PGM2: variants seen among roughly 807,000 people sequenced by gnomAD.
PGM2 encodes phosphopentomutase.
PGM2 carries 57 observed loss-of-function variants against 74.6 expected under a neutral mutation model. The observed-to-expected ratio is 0.76, with a 90% CI of 0.62 to 0.95. PGM2 has a LOEUF of 0.95. Ranked by LOEUF, PGM2 falls within the 40% of genes least tolerant of loss-of-function variation. The pLI is 0.00. For synonymous variants in PGM2, 273 were observed against 260.7 expected (o/e 1.05, Z -0.46); for missense variants, 706 against 741.9 (o/e 0.95, Z 0.56).
At chr4:37,838,084 T>C (rs1005936531) in intron 4 of PGM2, among the ~76,000 whole-genome samples, 1 of 152,194 alleles carries the variant, frequency 6.6e-6, no homozygotes, top group Non-Finnish European at 1.5e-5. Flanking sequence ...TTTCACCACG[T>C]TGGCCACGCT....
intron 10 of PGM2, 126 bp downstream of exon 10, chr4:37,847,421 G>C: frequency 6.1e-6 from 4 of 659,466 alleles, no homozygotes; most frequent in Non-Finnish European, 1.0e-5. Flanking sequence ...GTTGAATGTC[G>C]AACTGTCCTA....
rs78866411 is a variant in PGM2, at chr4:37,849,769, C to T, written c.1413-415C>T. On this transcript the variant is annotated intron_variant, in intron 11 of 13. Transcript: ENST00000381967. ...CCTTTGGCGTCAGTTTTGGCTGTTA[C>T]ATTTATTTTATTATTTATTTTATTT... 0.012 allele frequency among the ~76,000 whole-genome samples: 1,806 copies of T among 151,706 alleles called. 132 individuals are homozygous for T. The East Asian group carries it at 0.2, about 17-fold the overall frequency.
At chr4:37,836,009 C>T (rs953571735) in intron 3 of PGM2, among the ~76,000 whole-genome samples, 5 of 152,202 alleles carry the variant, frequency 3.3e-5, no homozygotes, top group Non-Finnish European at 4.4e-5. Flanking sequence ...GTTCCTCTGC[C>T]GCCCCAGGGC....
In PGM2 at chr4:37,828,453, C is replaced by T. The variant is rs1249095072; in HGVS notation, c.82-1511C>T. Among the ~76,000 whole-genome samples, 5 of 152,148 alleles carry T rather than the reference C, an allele frequency of 3.3e-5. No individual in the cohort carries two copies. In the East Asian group the frequency reaches 7.7e-4, roughly 24 times the overall value. On this transcript the variant is annotated intron_variant, in intron 1 of 13. Coordinates refer to ENST00000381967, the MANE Select transcript of PGM2 (RefSeq NM_018290.4). Reference sequence around the variant, plus strand: ...CCCATTCATTCTCCAGTGAACCTCCCACCAGCTAAAAGCATTGCAGCCCTC... The same window carrying T: ...CCCATTCATTCTCCAGTGAACCTCCTACCAGCTAAAAGCATTGCAGCCCTC...
At chr4:37,849,885 C>G (rs1249360685) in intron 11 of PGM2, among the ~76,000 whole-genome samples, 3 of 152,152 alleles carry the variant, frequency 2.0e-5, no homozygotes, top group Admixed American at 1.3e-4. Context: ...CTCCTGGGTT[C>G]AAGCGATTCT....
intron 11 of PGM2, 63 bp downstream of exon 11, chr4:37,848,714 T>A: frequency 8.4e-7 from 1 of 1,185,352 alleles, no homozygotes; most frequent in Non-Finnish European, 1.2e-6. Context: ...TATATACTTA[T>A]GCATGAGATA....
intron 10 of PGM2, 99 bp downstream of exon 10, chr4:37,847,394 G>A: frequency 1.2e-6 from 1 of 825,300 alleles, no homozygotes; most frequent in Non-Finnish European, 2.0e-6. Context: ...GGTTTATTTT[G>A]CCTCTCCAGC....
Position 37,841,039 on chromosome 4 carries a change from A to G in PGM2, c.719+780A>G, listed in dbSNP as rs139285005. Among the ~76,000 whole-genome samples, 350 of 133,570 alleles carry G rather than the reference A, an allele frequency of 2.6e-3. 2 individuals are homozygous for G. The highest frequency in any genetic ancestry group is 9.4e-3 in the African/African-American group (333 of 35,448). The allele number at this position is 133,570 out of a possible 152,430, so 87.6% of individuals were successfully genotyped here. A position where few individuals can be genotyped will look rare whatever the true frequency, so the allele number is the denominator to read the frequency against. ...GAATAGCAAACACTGGTATTTTTCT[A>G]TCTTTCCAAAAATTTTCTGTGCATA... On this transcript the variant is annotated intron_variant, in intron 6 of 13. Transcript: ENST00000381967.
At chr4:37,848,155 A>G (rs1461391022) in intron 10 of PGM2, among the ~76,000 whole-genome samples, 2 of 152,238 alleles carry the variant, frequency 1.3e-5, no homozygotes, top group Non-Finnish European at 2.9e-5. Context: ...AATCACACAC[A>G]AGAGTAGAGG....
At chr4:37,835,789 C>G (rs1560413003) in intron 3 of PGM2, among the ~76,000 whole-genome samples, 1 of 152,168 alleles carries the variant, frequency 6.6e-6, no homozygotes, top group Non-Finnish European at 1.5e-5. Flanking sequence ...GCATCAGCCC[C>G]AGGTTCAACT....
chr4:37,851,487 T>TGA (rs10693162), intron 12 of PGM2, among the ~76,000 whole-genome samples: 2 of 151,900 alleles, frequency 1.3e-5, no homozygotes, highest in Non-Finnish European at 2.9e-5. Context: ...GCTTTCTATG[T>TGA]TGGGGTTGGG....
intron 12 of PGM2, among the ~76,000 whole-genome samples, chr4:37,855,075 A>G (rs1185578802): frequency 1.3e-5 from 2 of 152,366 alleles, no homozygotes; most frequent in East Asian, 3.9e-4. Flanking sequence ...ATTTTCAAGT[A>G]TACAATGCAT....
chr4:37,862,760 G>C lies in PGM2; in HGVS notation c.*1148G>C, dbSNP rs1711823728. The C allele has an allele frequency of 6.6e-6, 1 of 151,938 alleles. No individual in the cohort carries two copies. Among genetic ancestry groups the C allele is most frequent in the African/African-American group, 2.4e-5 (1 of 41,372 alleles). 9.4% of individuals were successfully genotyped at this position (151,938 alleles called of 1,614,324 possible). ...TGAAAAATTACAATACTATGTGATA[G>C]TATTGTAACTATTTTTCTATTTTAG... On this transcript the variant is annotated 3_prime_UTR_variant, in exon 14 of 14. Coordinates refer to ENST00000381967, the MANE Select transcript of PGM2 (RefSeq NM_018290.4).
chr4:37,842,427 A>C (rs569790127), intron 6 of PGM2, among the ~76,000 whole-genome samples: 1 of 151,992 alleles, frequency 6.6e-6, no homozygotes, highest in East Asian at 1.9e-4. Flanking sequence ...TGTGTTTTAT[A>C]ATATTTAAAT....
Position 37,845,810 on chromosome 4 carries a change from G to A in PGM2, c.1007+80G>A, listed in dbSNP as rs111298235. 96 of 921,836 alleles carry A rather than the reference G, an allele frequency of 1.0e-4. 1 individual carries two copies. Among genetic ancestry groups the A allele is most frequent in the African/African-American group, 6.9e-4 (42 of 60,678 alleles). 57.1% of individuals were successfully genotyped at this position (921,836 alleles called of 1,614,324 possible). A position where few individuals can be genotyped will look rare whatever the true frequency, so the allele number is the denominator to read the frequency against. Reference sequence around the variant, plus strand: ...ATTGGTAAAATGTTTCTGGGGAGACGGGACCTATTTGGAAACATTTCCCAT... The same window carrying A: ...ATTGGTAAAATGTTTCTGGGGAGACAGGACCTATTTGGAAACATTTCCCAT... On this transcript the variant is annotated intron_variant, in intron 8 of 13. Transcript: ENST00000381967.
chr4:37,846,586 A>G (rs1412008552), intron 8 of PGM2, among the ~76,000 whole-genome samples: 2 of 152,194 alleles, frequency 1.3e-5, no homozygotes, highest in Non-Finnish European at 2.9e-5. Context: ...TACTCTATAT[A>G]TGGGGGATCT....
chr4:37,839,683 GGTAATT>G, intron 4 of PGM2, 159 bp from the exon 5 acceptor site: 11 of 697,690 alleles, frequency 1.6e-5, no homozygotes, highest in Non-Finnish European at 2.6e-5. Context: ...TAATTCTAAG[GGTAATT>G]GCATACTGCT....
intron 7 of PGM2, 39 bp from the exon 8 acceptor site, chr4:37,845,594 C>T (rs374771200): frequency 2.3e-5 from 31 of 1,355,786 alleles, no homozygotes; most frequent in Non-Finnish European, 3.1e-5. Flanking sequence ...ATGCTCGATT[C>T]TTGATTAAAT....
intron 7 of PGM2, 70 bp downstream of exon 7, chr4:37,844,623 C>T: frequency 2.1e-6 from 2 of 954,844 alleles, no homozygotes; most frequent in Non-Finnish European, 3.2e-6. Flanking sequence ...AAGTAAAATA[C>T]ATTTTTATGT....
Sources: allele counts gnomAD v4.1 joint callset (sites outside exome capture counted in the v4.1 genomes callset), GRCh38; gene constraint gnomAD v4.1.1; transcripts MANE v1.5; gene names NCBI Gene and HGNC (gene_info 2026-07-23, HGNC 2026-07-21).